Variants in CMSS1 observed in about 807,000 individuals in gnomAD.
CMSS1 encodes cms1 ribosomal small subunit homolog.
In CMSS1, 33 loss-of-function variants were observed where a neutral mutation model predicts 43.5. The observed-to-expected ratio is 0.76, with a 90% CI of 0.57 to 1.01. The LOEUF (loss-of-function observed/expected upper bound fraction) is 1.01, where lower values mean the gene tolerates loss of function less well. Ranked by LOEUF, CMSS1 falls within the 50% of genes least tolerant of loss-of-function variation. The pLI is 0.00. For synonymous variants in CMSS1, 115 were observed against 117.2 expected (o/e 0.98, Z 0.12); for missense variants, 313 against 326.4 (o/e 0.96, Z 0.32).
At chr3:100,104,269 G>A (rs1312219286) in intron 1 of CMSS1, among the ~76,000 whole-genome samples, 1 of 152,146 alleles carries the variant, frequency 6.6e-6, no homozygotes, top group East Asian at 1.9e-4. Flanking sequence ...CCCCTTTGTG[G>A]GATGGCTCAC....
chr3:100,163,650 A>AAT (rs2067044150), intron 4 of CMSS1, among the ~76,000 whole-genome samples: 1 of 152,126 alleles, frequency 6.6e-6, no homozygotes, highest in Non-Finnish European at 1.5e-5. Flanking sequence ...GGATCCTCTC[A>AAT]TCTCAGCCTC....
At chr3:99,881,779 C>G (rs547565094) in intron 1 of CMSS1, among the ~76,000 whole-genome samples, 1 of 152,022 alleles carries the variant, frequency 6.6e-6, no homozygotes, top group Non-Finnish European at 1.5e-5. Context: ...GTGATCTGCC[C>G]GCCTCGGCCT....
chr3:99,913,858 T>C (rs1706871262), intron 1 of CMSS1, among the ~76,000 whole-genome samples: 1 of 152,220 alleles, frequency 6.6e-6, no homozygotes, highest in Non-Finnish European at 1.5e-5. Flanking sequence ...GCTAATGCGT[T>C]TCTTCTGAAA....
At chr3:99,848,344 A>G in intron 1 of CMSS1, 2 of 1,614,124 alleles carry the variant, frequency 1.2e-6, no homozygotes, top group Non-Finnish European at 1.7e-6. Context: ...TGTGATAGTA[A>G]TACTGCTGGT....
At chr3:100,155,903 A>G (rs1442723391) in intron 2 of CMSS1, among the ~76,000 whole-genome samples, 6 of 151,964 alleles carry the variant, frequency 3.9e-5, no homozygotes, top group Admixed American at 2.0e-4. Context: ...TTTGTATGTT[A>G]TTATTTTGAA....
At chr3:100,060,248 A>C (rs2065538687) in intron 1 of CMSS1, among the ~76,000 whole-genome samples, 1 of 152,164 alleles carries the variant, frequency 6.6e-6, no homozygotes, top group Non-Finnish European at 1.5e-5. Flanking sequence ...AATAAAATCT[A>C]CTGGGAGGTA....
intron 1 of CMSS1, among the ~76,000 whole-genome samples, chr3:99,914,790 C>T (rs1001875501): frequency 6.6e-6 from 1 of 152,120 alleles, no homozygotes; most frequent in Non-Finnish European, 1.5e-5. Flanking sequence ...GTTCTTTATA[C>T]TAGTGACAAA....
intron 1 of CMSS1, among the ~76,000 whole-genome samples, chr3:100,087,638 G>C (rs1474052073): frequency 6.6e-6 from 1 of 151,782 alleles, no homozygotes; most frequent in Non-Finnish European, 1.5e-5. Context: ...TTCTTTTTCA[G>C]ATATATAACT....
At chr3:100,022,551 A>C (rs183131572) in intron 1 of CMSS1, among the ~76,000 whole-genome samples, 1 of 152,354 alleles carries the variant, frequency 6.6e-6, no homozygotes, top group East Asian at 1.9e-4. Context: ...AGACAGTTTC[A>C]GACACCCTTG....
chr3:99,848,032 T>C (rs1943446477), intron 1 of CMSS1: 2 of 1,189,432 alleles, frequency 1.7e-6, no homozygotes, highest in South Asian at 6.9e-5. Context: ...CATAAAGATG[T>C]ATTTATACAA....
chr3:99,903,000 G>A (rs533857113), intron 1 of CMSS1, among the ~76,000 whole-genome samples: 8 of 152,132 alleles, frequency 5.3e-5, no homozygotes, highest in Admixed American at 1.3e-4. Flanking sequence ...GAGGTTTCAT[G>A]ATTAAGGATA....
At chr3:99,858,208 A>G (rs773137640) in intron 1 of CMSS1, among the ~76,000 whole-genome samples, 4 of 152,170 alleles carry the variant, frequency 2.6e-5, no homozygotes, top group East Asian at 1.9e-4. Context: ...GCTCACACCT[A>G]TAATCCCAGC....
At chr3:100,140,687 G>A (rs921736290) in intron 1 of CMSS1, among the ~76,000 whole-genome samples, 1 of 152,074 alleles carries the variant, frequency 6.6e-6, no homozygotes, top group Admixed American at 6.6e-5. Flanking sequence ...TAAAGACAGA[G>A]GAGCAAGGTT....
At chr3:99,934,430 GT>G (rs1220505147) in intron 1 of CMSS1, among the ~76,000 whole-genome samples, 1 of 152,002 alleles carries the variant, frequency 6.6e-6, no homozygotes, top group Non-Finnish European at 1.5e-5. Flanking sequence ...TTTGGTTTTT[GT>G]TTTTTTCATT....
intron 1 of CMSS1, among the ~76,000 whole-genome samples, chr3:99,833,977 A>G (rs543419407): frequency 3.3e-5 from 5 of 152,364 alleles, no homozygotes; most frequent in African/African-American, 9.6e-5. Flanking sequence ...AGGAAATGCT[A>G]AACTGAAGAA....
Position 100,056,776 on chromosome 3 carries a change from G to A in CMSS1, c.65-90197G>A, listed in dbSNP as rs180944981. 4.1e-3 allele frequency among the ~76,000 whole-genome samples: 619 copies of A among 151,306 alleles called. 9 individuals are homozygous for A. Among genetic ancestry groups the A allele is most frequent in the African/African-American group, 0.013 (551 of 41,282 alleles). On this transcript the variant is annotated intron_variant, in intron 1 of 9. Transcript: ENST00000421999. ...GCCCTTTGGGAGGCCAAGGCAGGCC[G>A]GGCGGATCACGAGGTCAGGAGATCG...
chr3:100,077,997 G>A (rs186651465), intron 1 of CMSS1, among the ~76,000 whole-genome samples: 96 of 151,892 alleles, frequency 6.3e-4, no homozygotes, highest in African/African-American at 2.0e-3. Flanking sequence ...AATGTCAGTC[G>A]TTTAACAGCC....
At chr3:99,972,071 G>A (rs571530864) in intron 1 of CMSS1, among the ~76,000 whole-genome samples, 3 of 152,272 alleles carry the variant, frequency 2.0e-5, no homozygotes, top group East Asian at 3.9e-4. Context: ...GAATCAGTAC[G>A]AATATTATTG....
rs772465470 is a variant in CMSS1, at chr3:99,848,417, G to T, written c.64+30374G>T. The T allele has an allele frequency of 4.3e-6, 7 of 1,614,096 alleles. No individual in the cohort carries two copies. In the East Asian group the frequency reaches 1.3e-4, roughly 31 times the overall value. ...AAGCCTTGAGTTCGGTTATCCTGCA[G>T]TGGTGCTGAAGGGCTGGCAGGTCTC... On this transcript the variant is annotated intron_variant, in intron 1 of 9. Transcript: ENST00000421999.
Sources: gnomAD v4.1 joint callset for allele counts (sites outside exome capture counted in the v4.1 genomes callset) on GRCh38, gnomAD v4.1.1 for gene constraint, MANE v1.5 for transcripts, NCBI Gene and HGNC (gene_info 2026-07-23, HGNC 2026-07-21) for gene names.